FAM227B: variants seen among roughly 807,000 people sequenced by gnomAD.
The protein encoded by FAM227B is protein FAM227B.
FAM227B carries 88 observed loss-of-function variants against 73.8 expected under a neutral mutation model. The ratio of observed to expected loss-of-function variants is 1.19; its 90% confidence interval spans 1.00 to 1.42. FAM227B has a LOEUF of 1.42. Ranked by LOEUF, FAM227B falls within the 40% of genes most tolerant of loss-of-function variation. The pLI, the probability that FAM227B is intolerant of heterozygous loss-of-function variation, is 0.00. For missense variants in FAM227B, 632 were observed against 590.9 expected (o/e 1.07, Z -0.72); for synonymous variants, 210 against 190.5 (o/e 1.10, Z -0.84).
Position 49,364,679 on chromosome 15 carries a change from G to A in FAM227B, c.1271+2769C>T, listed in dbSNP as rs187300031. Among the ~76,000 whole-genome samples, 584 of 152,086 alleles carry A rather than the reference G, an allele frequency of 3.8e-3. 6 individuals carry two copies. Among genetic ancestry groups the A allele is most frequent in the African/African-American group, 0.012 (483 of 41,496 alleles). The stretch of plus-strand genomic sequence containing the variant: ...GTGATAAAAGGTCCAAATTTTCACC[G>A]TTGAACTGCCTTCTTGCATGGTCTT... On this transcript the variant is annotated intron_variant, in intron 13 of 15. Transcript: ENST00000299338.
intron 11 of FAM227B, among the ~76,000 whole-genome samples, chr15:49,506,252 G>C (rs933365336): frequency 1.6e-4 from 25 of 151,950 alleles, no homozygotes; most frequent in African/African-American, 6.0e-4. Context: ...TAAAAAGCAA[G>C]TCAGTATTGT....
At chr15:49,338,511 G>C (rs145491678) in intron 13 of FAM227B, among the ~76,000 whole-genome samples, 3 of 152,200 alleles carry the variant, frequency 2.0e-5, no homozygotes, top group Non-Finnish European at 2.9e-5. Flanking sequence ...AGTCTGGTGG[G>C]CTTCCCTTTG....
At chr15:49,457,538 C>T (rs11639111) in intron 11 of FAM227B, among the ~76,000 whole-genome samples, 49,913 of 151,492 alleles carry the variant, frequency 0.33, 8,720 homozygotes, top group Non-Finnish European at 0.4. Flanking sequence ...TAAGTAACTA[C>T]ATTATCAAAT....
intron 3 of FAM227B, among the ~76,000 whole-genome samples, chr15:49,591,383 T>G: frequency 2.1e-5 from 1 of 46,634 alleles, no homozygotes; most frequent in Non-Finnish European, 4.2e-5. Context: ...CTCCCTCCCT[T>G]CCCTCCCTCC....
At chr15:49,417,104 A>G (rs569962312) in intron 11 of FAM227B, among the ~76,000 whole-genome samples, 1 of 152,312 alleles carries the variant, frequency 6.6e-6, no homozygotes, top group Admixed American at 6.5e-5. Flanking sequence ...CCAAAAGAAC[A>G]TAGCTGGTTG....
intron 13 of FAM227B, among the ~76,000 whole-genome samples, chr15:49,340,984 C>G (rs1200872845): frequency 6.6e-6 from 1 of 152,182 alleles, no homozygotes; most frequent in African/African-American, 2.4e-5. Context: ...TGGCATATGG[C>G]TGGCCAGCTA....
intron 11 of FAM227B, among the ~76,000 whole-genome samples, chr15:49,388,199 T>A (rs2046994993): frequency 6.6e-6 from 1 of 151,292 alleles, no homozygotes; most frequent in Non-Finnish European, 1.5e-5. Flanking sequence ...AAAGAACAAA[T>A]TTGGAGGCAT....
intron 10 of FAM227B, among the ~76,000 whole-genome samples, chr15:49,512,487 A>C (rs1253693266): frequency 6.6e-6 from 1 of 152,132 alleles, no homozygotes; most frequent in Non-Finnish European, 1.5e-5. Context: ...ACAATCTTCC[A>C]GAATTATTAT....
chr15:49,449,757 T>C (rs1405867303), intron 11 of FAM227B, among the ~76,000 whole-genome samples: 1 of 151,852 alleles, frequency 6.6e-6, no homozygotes, highest in Non-Finnish European at 1.5e-5. Flanking sequence ...AGTGCCTTGC[T>C]TTTCTCTTTC....
chr15:49,402,021 T>C lies in FAM227B; in HGVS notation c.1013-30622A>G, dbSNP rs1224829369. Among the ~76,000 whole-genome samples, 3 of 151,686 alleles carry C rather than the reference T, an allele frequency of 2.0e-5. No individual in the cohort carries two copies. The East Asian group carries it at 5.8e-4, about 29-fold the overall frequency. ...TATAATAAAAAGAAGAAAAAAAAAA[T>C]CTTACCAAAACTGCATTCCAGCTCT... On this transcript the variant is annotated intron_variant, in intron 11 of 15. Coordinates refer to ENST00000299338, the MANE Select transcript of FAM227B (RefSeq NM_152647.3).
chr15:49,508,832 T>C (rs1597724636), intron 10 of FAM227B, among the ~76,000 whole-genome samples: 1 of 152,182 alleles, frequency 6.6e-6, no homozygotes, highest in East Asian at 1.9e-4. Flanking sequence ...AGATTGCCTA[T>C]GTTTTAAAAT....
At position 49,489,864 on chromosome 15, in the gene FAM227B, A is replaced by ATATATATATATATTT. The variant is rs1201746694; in HGVS notation, c.1012+18346_1012+18347insAAATATATATATATA. Among the ~76,000 whole-genome samples the ATATATATATATATTT allele has an allele frequency of 3.7e-3, 33 of 8,958 alleles. 3 individuals carry two copies. The highest frequency in any genetic ancestry group is 4.5e-3 in the Non-Finnish European group (18 of 4,042). 5.9% of individuals were successfully genotyped at this position (8,958 alleles called of 152,430 possible). On this transcript the variant is annotated intron_variant, in intron 11 of 15. Coordinates refer to ENST00000299338, the MANE Select transcript of FAM227B (RefSeq NM_152647.3). ...TTTTATATATATATATATATTTTAT[A>ATATATATATATATTT]TATATATATATATATATATAGAGAG...
At chr15:49,360,907 A>C (rs1240616508) in intron 13 of FAM227B, among the ~76,000 whole-genome samples, 1 of 152,148 alleles carries the variant, frequency 6.6e-6, no homozygotes, top group East Asian at 1.9e-4. Flanking sequence ...CTCTCCATAC[A>C]TACCTCCAGT....
At chr15:49,548,407 T>C (rs1310890751) in intron 9 of FAM227B, among the ~76,000 whole-genome samples, 2 of 152,162 alleles carry the variant, frequency 1.3e-5, no homozygotes, top group African/African-American at 2.4e-5. Context: ...TCACGTATTG[T>C]TGAATTTGGT....
chr15:49,416,772 G>GAC (rs5812484), intron 11 of FAM227B, among the ~76,000 whole-genome samples: 4,721 of 149,926 alleles, frequency 0.031, 197 homozygotes, highest in African/African-American at 0.092. Flanking sequence ...CACACACATA[G>GAC]ACACACACAC....
At chr15:49,396,618 C>T (rs2047666363) in intron 11 of FAM227B, among the ~76,000 whole-genome samples, 1 of 152,186 alleles carries the variant, frequency 6.6e-6, no homozygotes, top group South Asian at 2.1e-4. Flanking sequence ...TTGAAGAGAG[C>T]AGTGGTTCTC....
intron 9 of FAM227B, among the ~76,000 whole-genome samples, chr15:49,543,770 TTATG>T (rs1001272957): frequency 4.6e-5 from 7 of 152,112 alleles, no homozygotes; most frequent in African/African-American, 1.4e-4. Flanking sequence ...TTTTCCCACT[TTATG>T]TTTTTGTTTG....
At chr15:49,579,905 C>T (rs192396481) in intron 5 of FAM227B, among the ~76,000 whole-genome samples, 1 of 151,972 alleles carries the variant, frequency 6.6e-6, no homozygotes, top group African/African-American at 2.4e-5. Flanking sequence ...TAAATAGGTA[C>T]AATGATTATG....
intron 11 of FAM227B, among the ~76,000 whole-genome samples, chr15:49,474,741 GATTAGCTGTGGC>G (rs2055089982): frequency 6.6e-6 from 1 of 152,162 alleles, no homozygotes; most frequent in Non-Finnish European, 1.5e-5. Context: ...CCTCCTGTCA[GATTAGCTGTGGC>G]ATTAGAATCT....
Sources: gnomAD v4.1 joint callset for allele counts (sites outside exome capture counted in the v4.1 genomes callset) on GRCh38, gnomAD v4.1.1 for gene constraint, MANE v1.5 for transcripts, NCBI Gene and HGNC (gene_info 2026-07-23, HGNC 2026-07-21) for gene names.